Variants in RBFOX1 observed in about 807,000 individuals in gnomAD.
The protein encoded by RBFOX1 is RNA binding protein fox-1 homolog 1.
In RBFOX1, 8 loss-of-function variants were observed where a neutral mutation model predicts 57.7. The ratio of observed to expected loss-of-function variants is 0.14; its 90% CI spans 0.08 to 0.25. The LOEUF (loss-of-function observed/expected upper bound fraction) is 0.25, where lower values mean the gene tolerates loss of function less well. Ranked by LOEUF, RBFOX1 falls within the 10% of genes least tolerant of loss-of-function variation. RBFOX1 has a pLI of 1.00. For missense variants in RBFOX1, 611 were observed against 548.5 expected, an observed-to-expected ratio of 1.11 and a Z score of -1.14; for synonymous variants, 326 against 222.4, an observed-to-expected ratio of 1.47 and a Z score of -4.15.
At position 6,251,034 on chromosome 16, in the gene RBFOX1, G is replaced by C. The variant is rs550673379; in HGVS notation, c.-126-65961G>C. Among the ~76,000 whole-genome samples, 22 of 152,228 alleles carry C rather than the reference G, an allele frequency of 1.4e-4. No individual in the cohort carries two copies. The South Asian group carries it at 4.2e-3, about 29-fold the overall frequency. On this transcript the variant is annotated intron_variant, in intron 1 of 15. Coordinates refer to ENST00000550418, the MANE Select transcript of RBFOX1 (RefSeq NM_018723.4). Reference sequence around the variant, plus strand: ...GGTCAGAATCAGCTTGCTGTCATTTGCAATGGAAGCGGTGAAGTTTGCAAA... The same window carrying C: ...GGTCAGAATCAGCTTGCTGTCATTTCCAATGGAAGCGGTGAAGTTTGCAAA...
intron 1 of RBFOX1, among the ~76,000 whole-genome samples, chr16:6,185,963 C>G (rs796954811): frequency 1.3e-5 from 2 of 152,122 alleles, no homozygotes; most frequent in Non-Finnish European, 2.9e-5. Context: ...TTCTTTCTTA[C>G]CTAAATAGCT....
intron 1 of RBFOX1, among the ~76,000 whole-genome samples, chr16:5,409,292 G>A (rs903075136): frequency 2.0e-5 from 3 of 152,162 alleles, no homozygotes; most frequent in African/African-American, 7.2e-5. Flanking sequence ...AGCCCCTAGG[G>A]GAGCCCCCCA....
At chr16:7,053,458 T>A (rs965474720) in intron 4 of RBFOX1, among the ~76,000 whole-genome samples, 8 of 152,210 alleles carry the variant, frequency 5.3e-5, no homozygotes, top group African/African-American at 1.9e-4. Flanking sequence ...TTTAGATTTC[T>A]CTTGCTGTTT....
chr16:6,949,207 T>C (rs1234107653), intron 3 of RBFOX1, among the ~76,000 whole-genome samples: 1 of 151,914 alleles, frequency 6.6e-6, no homozygotes, highest in African/African-American at 2.4e-5. Context: ...AAAAGCTAAA[T>C]TCCAGGATAT....
chr16:6,161,821 CT>C (rs961136574), intron 1 of RBFOX1, among the ~76,000 whole-genome samples: 1 of 152,166 alleles, frequency 6.6e-6, no homozygotes, highest in African/African-American at 2.4e-5. Flanking sequence ...AGATACTTTT[CT>C]TTTGTGAAGC....
intron 3 of RBFOX1, among the ~76,000 whole-genome samples, chr16:5,718,973 T>TAAAA (rs35859261): frequency 6.1e-5 from 9 of 147,040 alleles, no homozygotes; most frequent in African/African-American, 1.3e-4. Flanking sequence ...TGTGTATAGT[T>TAAAA]AAAAAAAAAA....
intron 3 of RBFOX1, among the ~76,000 whole-genome samples, chr16:6,666,284 A>G (rs1426096196): frequency 6.6e-6 from 1 of 152,188 alleles, no homozygotes; most frequent in African/African-American, 2.4e-5. Flanking sequence ...CTATAATCCC[A>G]GCACTTTGGG....
chr16:5,583,685 C>T (rs566534967), intron 2 of RBFOX1, among the ~76,000 whole-genome samples: 16 of 152,160 alleles, frequency 1.1e-4, no homozygotes, highest in African/African-American at 3.4e-4. Context: ...AAAGTGGGGT[C>T]GATAAGAGCT....
At chr16:7,591,469 A>C (rs930523031) in intron 7 of RBFOX1, among the ~76,000 whole-genome samples, 5 of 152,218 alleles carry the variant, frequency 3.3e-5, no homozygotes, top group Admixed American at 1.3e-4. Flanking sequence ...AAAAGATGAA[A>C]AAAGAACAAT....
intron 4 of RBFOX1, among the ~76,000 whole-genome samples, chr16:7,353,951 AAC>A (rs1374944883): frequency 1.3e-5 from 2 of 152,164 alleles, no homozygotes; most frequent in East Asian, 1.9e-4. Flanking sequence ...TATGTTAAAT[AAC>A]ACAGAATTGT....
intron 2 of RBFOX1, among the ~76,000 whole-genome samples, chr16:6,355,380 C>A (rs140228157): frequency 6.6e-6 from 1 of 151,852 alleles, no homozygotes; most frequent in Non-Finnish European, 1.5e-5. Context: ...TGAGAACATG[C>A]GGTGTTTGGC....
chr16:7,513,831 G>T (rs926058267), intron 4 of RBFOX1, among the ~76,000 whole-genome samples: 1 of 152,136 alleles, frequency 6.6e-6, no homozygotes, highest in South Asian at 2.1e-4. Context: ...CAGATTTAAA[G>T]CCTGTGTGCC....
At chr16:6,058,219 A>G in intron 1 of RBFOX1, among the ~76,000 whole-genome samples, 1 of 152,116 alleles carries the variant, frequency 6.6e-6, no homozygotes, top group East Asian at 1.9e-4. Context: ...TATCAGAAAT[A>G]TGAGTGTTTA....
At chr16:7,366,249 T>C (rs1215953998) in intron 4 of RBFOX1, among the ~76,000 whole-genome samples, 1 of 152,230 alleles carries the variant, frequency 6.6e-6, no homozygotes, top group African/African-American at 2.4e-5. Flanking sequence ...CCAGGACATT[T>C]GTAAATCCGA....
chr16:5,410,103 C>G (rs1022581952), intron 1 of RBFOX1, among the ~76,000 whole-genome samples: 2 of 151,294 alleles, frequency 1.3e-5, no homozygotes, highest in Admixed American at 6.6e-5. Context: ...GTGGCTCATG[C>G]CTGTAATGCC....
At chr16:6,827,856 C>G (rs529222113) in intron 3 of RBFOX1, among the ~76,000 whole-genome samples, 18 of 152,350 alleles carry the variant, frequency 1.2e-4, no homozygotes, top group African/African-American at 4.1e-4. Context: ...TCTGTTCCCC[C>G]TCTTAGAGCA....
intron 3 of RBFOX1, among the ~76,000 whole-genome samples, chr16:5,749,870 G>A (rs933232482): frequency 3.3e-5 from 5 of 152,146 alleles, no homozygotes; most frequent in East Asian, 1.9e-4. Context: ...TCAACTCGTC[G>A]AAGTCATTCT....
chr16:5,399,008 C>T (rs1268208572), intron 1 of RBFOX1, among the ~76,000 whole-genome samples: 1 of 152,156 alleles, frequency 6.6e-6, no homozygotes, highest in Non-Finnish European at 1.5e-5. Context: ...ATTTGAGGGC[C>T]GCAGTGACAG....
chr16:6,815,701 A>G (rs566972797), intron 3 of RBFOX1, among the ~76,000 whole-genome samples: 10 of 152,140 alleles, frequency 6.6e-5, no homozygotes, highest in Non-Finnish European at 1.2e-4. Flanking sequence ...CAGCGACAGA[A>G]CACACACTTA....
Sources: gnomAD v4.1 joint callset for allele counts (sites outside exome capture counted in the v4.1 genomes callset) on GRCh38, gnomAD v4.1.1 for gene constraint, MANE v1.5 for transcripts, NCBI Gene and HGNC (gene_info 2026-07-23, HGNC 2026-07-21) for gene names.